TOP6BL: variants seen among roughly 807,000 people sequenced by gnomAD.
TOP6BL encodes type 2 DNA topoisomerase 6 subunit B-like.
the TOP6BL span, chr11:66,815,888 T>C: frequency 1.2e-5 from 7 of 587,568 alleles, no homozygotes; most frequent in East Asian, 5.7e-5. Flanking sequence ...TATGATTTGC[T>C]TCCATCATGT....
chr11:66,799,075 C>T, the TOP6BL span, among the ~76,000 whole-genome samples: 3 of 151,930 alleles, frequency 2.0e-5, no homozygotes, highest in African/African-American at 4.8e-5. Flanking sequence ...GGCATGGTGG[C>T]GCACGCCTGT....
the TOP6BL span, among the ~76,000 whole-genome samples, chr11:66,748,833 C>A: frequency 6.7e-6 from 1 of 148,800 alleles, no homozygotes; most frequent in African/African-American, 2.5e-5. Flanking sequence ...TTGAGCTTTA[C>A]CTACTTTTTT....
the TOP6BL span, among the ~76,000 whole-genome samples, chr11:66,831,286 C>A: frequency 1.3e-5 from 2 of 152,136 alleles, no homozygotes; most frequent in Non-Finnish European, 2.9e-5. Flanking sequence ...GAACATATCT[C>A]CACACAAAGA....
At chr11:66,785,185 C>T in the TOP6BL span, among the ~76,000 whole-genome samples, 625 of 152,084 alleles carry the variant, frequency 4.1e-3, 4 homozygotes, top group African/African-American at 0.014. Flanking sequence ...TCTTGAACTC[C>T]TGACCTCAGG....
chr11:66,817,359 T>C, the TOP6BL span, among the ~76,000 whole-genome samples: 7 of 152,216 alleles, frequency 4.6e-5, no homozygotes, highest in East Asian at 1.4e-3. Context: ...AAAGGTTATC[T>C]ATGATAGAGA....
At chr11:66,796,471 A>G in the TOP6BL span, 3 of 842,200 alleles carry the variant, frequency 3.6e-6, no homozygotes, top group Non-Finnish European at 5.5e-6. Context: ...TTTTTCTTTC[A>G]ATGAAGATGA....
At chr11:66,836,671 A>T in the TOP6BL span, among the ~76,000 whole-genome samples, 5 of 146,138 alleles carry the variant, frequency 3.4e-5, no homozygotes, top group Admixed American at 6.8e-5. Context: ...TGGGCAACAT[A>T]GTGAGACCTC....
chr11:66,754,061 G>T, the TOP6BL span, among the ~76,000 whole-genome samples: 1 of 152,208 alleles, frequency 6.6e-6, no homozygotes, highest in Non-Finnish European at 1.5e-5. Context: ...ACTGAAAAAC[G>T]TAGTCAGATT....
chr11:66,837,817 T>G, the TOP6BL span, among the ~76,000 whole-genome samples: 1 of 152,158 alleles, frequency 6.6e-6, no homozygotes, highest in Non-Finnish European at 1.5e-5. Context: ...GCTGGGAGGA[T>G]TGGGTTCTGG....
the TOP6BL span, chr11:66,843,175 C>CTG: frequency 6.2e-7 from 1 of 1,611,100 alleles, no homozygotes; most frequent in Non-Finnish European, 8.5e-7. Flanking sequence ...GCAGGACGTG[C>CTG]TGTGGCTGCA....
At chr11:66,832,778 G>A in the TOP6BL span, among the ~76,000 whole-genome samples, 1 of 152,150 alleles carries the variant, frequency 6.6e-6, no homozygotes, top group Admixed American at 6.5e-5. Flanking sequence ...CAGTTTCCTG[G>A]GATGCTGTCA....
At chr11:66,764,013 C>A in the TOP6BL span, among the ~76,000 whole-genome samples, 5 of 152,264 alleles carry the variant, frequency 3.3e-5, no homozygotes, top group South Asian at 8.3e-4. Context: ...ATGCATTAGG[C>A]CTTGTGCTCC....
At chr11:66,758,989 C>A in the TOP6BL span, 1 of 1,317,722 alleles carries the variant, frequency 7.6e-7, no homozygotes, top group South Asian at 1.4e-5. Context: ...TTGATTCTTT[C>A]AATAGAATGC....
At chr11:66,812,691 A>T in the TOP6BL span, among the ~76,000 whole-genome samples, 1 of 152,238 alleles carries the variant, frequency 6.6e-6, no homozygotes, top group Non-Finnish European at 1.5e-5. Context: ...GATAAAGGAA[A>T]GCACACATTC....
At chr11:66,789,747 A>G in the TOP6BL span, among the ~76,000 whole-genome samples, 2 of 152,226 alleles carry the variant, frequency 1.3e-5, no homozygotes, top group African/African-American at 4.8e-5. Context: ...TGAAGTGGGT[A>G]GGATGAGGAT....
the TOP6BL span, among the ~76,000 whole-genome samples, chr11:66,754,600 C>T: frequency 5.9e-5 from 9 of 152,152 alleles, no homozygotes; most frequent in Non-Finnish European, 1.3e-4. Flanking sequence ...GGGCTTTTAA[C>T]TGGGGAACTT....
the TOP6BL span, among the ~76,000 whole-genome samples, chr11:66,833,381 G>A: frequency 4.6e-5 from 7 of 152,022 alleles, no homozygotes; most frequent in Non-Finnish European, 7.4e-5. Flanking sequence ...CCTGTCTTGC[G>A]ATCTGGAATT....
chr11:66,802,395 C>T, the TOP6BL span, among the ~76,000 whole-genome samples: 1 of 152,076 alleles, frequency 6.6e-6, no homozygotes, highest in Admixed American at 6.6e-5. Context: ...CCTCGTGATC[C>T]TCCTGCCTCG....
chr11:66,822,550 G>A, the TOP6BL span: 2 of 1,506,602 alleles, frequency 1.3e-6, no homozygotes, highest in Non-Finnish European at 1.8e-6. Context: ...CCCCTTACTT[G>A]TTATGTTCCC....
Sources: allele counts gnomAD v4.1 joint callset (sites outside exome capture counted in the v4.1 genomes callset), GRCh38; gene constraint gnomAD v4.1.1; transcripts MANE v1.5; gene names NCBI Gene and HGNC (gene_info 2026-07-23, HGNC 2026-07-21).